The following MACROD2 variants were observed in gnomAD, a reference collection of about 807,000 sequenced individuals.
MACROD2 encodes the protein ADP-ribose glycohydrolase MACROD2.
In MACROD2, 36 loss-of-function variants were observed where a neutral mutation model predicts 70.4. The ratio of observed to expected loss-of-function variants is 0.51; its 90% CI spans 0.39 to 0.68. MACROD2 has a LOEUF of 0.68. Ranked by LOEUF, MACROD2 falls within the 30% of genes least tolerant of loss-of-function variation. The pLI is 0.00. For synonymous variants in MACROD2, 172 were observed against 178.8 expected (o/e 0.96, Z 0.30); for missense variants, 496 against 538.4 (o/e 0.92, Z 0.78).
chr20:14,561,350 G>C (rs1266098262), intron 4 of MACROD2, among the ~76,000 whole-genome samples: 1 of 151,614 alleles, frequency 6.6e-6, no homozygotes, highest in Non-Finnish European at 1.5e-5. Flanking sequence ...TCACTCTTAA[G>C]TTCCCTTAAG....
chr20:15,637,895 A>G (rs932457152), intron 8 of MACROD2, among the ~76,000 whole-genome samples: 3 of 152,226 alleles, frequency 2.0e-5, no homozygotes, highest in South Asian at 2.1e-4. Flanking sequence ...TTGCCTAATA[A>G]GTAACTAAAG....
At chr20:15,879,178 C>A (rs1359985765) in intron 9 of MACROD2, among the ~76,000 whole-genome samples, 1 of 151,998 alleles carries the variant, frequency 6.6e-6, no homozygotes, top group East Asian at 1.9e-4. Flanking sequence ...TTGGTAGAAA[C>A]CTTTTATTTC....
intron 8 of MACROD2, among the ~76,000 whole-genome samples, chr20:15,620,076 G>A (rs1478252528): frequency 6.6e-6 from 1 of 152,116 alleles, no homozygotes; most frequent in Non-Finnish European, 1.5e-5. Context: ...TGAAATGATG[G>A]CAAGGCTGAA....
intron 8 of MACROD2, among the ~76,000 whole-genome samples, chr20:15,684,715 G>A (rs1051489383): frequency 2.0e-5 from 3 of 152,052 alleles, no homozygotes; most frequent in African/African-American, 7.2e-5. Context: ...GTGGTAAGTG[G>A]GAAAACATAT....
chr20:14,081,148 G>A (rs1468933053), intron 2 of MACROD2, among the ~76,000 whole-genome samples: 1 of 152,128 alleles, frequency 6.6e-6, no homozygotes, highest in East Asian at 1.9e-4. Context: ...CTTGATACTT[G>A]GTCAAATTGC....
chr20:14,149,243 C>A (rs957440289), intron 3 of MACROD2, among the ~76,000 whole-genome samples: 3 of 150,530 alleles, frequency 2.0e-5, no homozygotes, highest in Non-Finnish European at 4.4e-5. Context: ...CAAGTGAGAA[C>A]ATGGAGTATT....
At chr20:14,473,785 C>G (rs2084558218) in intron 3 of MACROD2, among the ~76,000 whole-genome samples, 1 of 152,154 alleles carries the variant, frequency 6.6e-6, no homozygotes, top group African/African-American at 2.4e-5. Flanking sequence ...AAGAGTTCCC[C>G]TTTCTTCACA....
chr20:14,562,632 T>A (rs1384247810), intron 4 of MACROD2, among the ~76,000 whole-genome samples: 1 of 152,000 alleles, frequency 6.6e-6, no homozygotes, highest in Admixed American at 6.6e-5. Context: ...TATCCAACTA[T>A]CTATTGGATG....
intron 9 of MACROD2, among the ~76,000 whole-genome samples, chr20:15,869,238 T>TATATATATATATATATATATATAGAG: frequency 7.1e-5 from 2 of 28,300 alleles, no homozygotes; most frequent in African/African-American, 9.9e-5. Flanking sequence ...TATATATATA[T>TATATATATATATATATATATATAGAG]AGAGAGAGAG....
chr20:14,744,392 A>G (rs1363182089), intron 5 of MACROD2, among the ~76,000 whole-genome samples: 2 of 152,194 alleles, frequency 1.3e-5, no homozygotes, highest in Non-Finnish European at 2.9e-5. Flanking sequence ...AAGTATATGT[A>G]CCTTGTGGAA....
chr20:15,645,498 A>T (rs1006008182), intron 8 of MACROD2, among the ~76,000 whole-genome samples: 2 of 152,060 alleles, frequency 1.3e-5, no homozygotes, highest in African/African-American at 2.4e-5. Flanking sequence ...TCTCTGAAAA[A>T]CTCGGAAAAG....
At position 14,657,253 on chromosome 20, in the gene MACROD2, C is replaced by T. The variant is rs574158403; in HGVS notation, c.302-27590C>T. 3.3e-5 allele frequency among the ~76,000 whole-genome samples: 5 copies of T among 152,328 alleles called. No individual in the cohort carries two copies. In the South Asian group the frequency reaches 1.0e-3, roughly 32 times the overall value. ...ATTCAATGATTCCAGTTAGCATCCG[C>T]TTCTAAGCGTGCTATTACTTATTCA... On this transcript the variant is annotated intron_variant, in intron 4 of 17. Coordinates refer to ENST00000684519, the MANE Select transcript of MACROD2 (RefSeq NM_001351661.2).
intron 4 of MACROD2, among the ~76,000 whole-genome samples, chr20:14,587,684 T>A (rs1341367754): frequency 6.6e-6 from 1 of 151,800 alleles, no homozygotes; most frequent in African/African-American, 2.4e-5. Flanking sequence ...TTCAAATGAT[T>A]TAATTTAAAG....
intron 5 of MACROD2, among the ~76,000 whole-genome samples, chr20:15,097,915 C>T (rs923904264): frequency 2.0e-5 from 3 of 152,104 alleles, no homozygotes; most frequent in Non-Finnish European, 4.4e-5. Context: ...TTTATGAAAG[C>T]CTGAGTGTTA....
In MACROD2 at chr20:15,083,825, A is replaced by AT. The variant is rs2075723912; in HGVS notation, c.419-146112dup. On this transcript the variant is annotated intron_variant, in intron 5 of 17. Transcript: ENST00000684519. ...GAGTCATTGGAGCAGAAACAGATTT[A>AT]TTTCATATTCTTCCTTTGACTATTC... Among the ~76,000 whole-genome samples the AT allele has an allele frequency of 2.0e-5, 3 of 152,204 alleles. No individual in the cohort carries two copies. The South Asian group carries it at 6.2e-4, about 31-fold the overall frequency.
chr20:14,937,450 A>G (rs1015769652), intron 5 of MACROD2, among the ~76,000 whole-genome samples: 4 of 152,086 alleles, frequency 2.6e-5, no homozygotes, highest in African/African-American at 4.8e-5. Context: ...AGAATCAGTC[A>G]TCTTTTACAT....
chr20:15,721,356 A>C (rs1280040405), intron 8 of MACROD2, among the ~76,000 whole-genome samples: 2 of 152,314 alleles, frequency 1.3e-5, no homozygotes, highest in South Asian at 2.1e-4. Context: ...GTTTGCCAAA[A>C]TCTTCTGTTA....
At chr20:15,967,529 A>G in intron 12 of MACROD2, 24 bp from the exon 13 acceptor site, 2 of 1,597,476 alleles carry the variant, frequency 1.3e-6, no homozygotes, top group Non-Finnish European at 1.7e-6. Context: ...ATGCTGACCA[A>G]AGGTTTTGCT....
chr20:15,641,503 C>A (rs1426542437), intron 8 of MACROD2, among the ~76,000 whole-genome samples: 2 of 152,168 alleles, frequency 1.3e-5, no homozygotes, highest in Admixed American at 6.5e-5. Flanking sequence ...CTTTCATCAT[C>A]ACCCAGAGAG....
Sources: gnomAD v4.1 joint callset for allele counts (sites outside exome capture counted in the v4.1 genomes callset) on GRCh38, gnomAD v4.1.1 for gene constraint, MANE v1.5 for transcripts, NCBI Gene and HGNC (gene_info 2026-07-23, HGNC 2026-07-21) for gene names.